Variants in UBTD1 observed in about 807,000 individuals in gnomAD.
UBTD1 encodes the protein ubiquitin domain containing 1.
Under a neutral mutation model 21.7 loss-of-function variants are expected in UBTD1, and 19 were observed. The ratio of observed to expected loss-of-function variants is 0.87; its 90% CI spans 0.61 to 1.28. UBTD1 has a LOEUF of 1.28. UBTD1 is among the 50% of genes most tolerant of loss of function. The pLI is 0.00. For missense variants in UBTD1, 282 were observed against 315.1 expected (o/e 0.89, Z 0.80); for synonymous variants, 116 against 135.1 (o/e 0.86, Z 0.98).
chr10:97,563,234 C>T (rs566844679), intron 1 of UBTD1, among the ~76,000 whole-genome samples: 2 of 152,160 alleles, frequency 1.3e-5, no homozygotes, highest in Non-Finnish European at 2.9e-5. Flanking sequence ...CAAGGGGGTT[C>T]AGCGTAATTA....
intron 1 of UBTD1, among the ~76,000 whole-genome samples, chr10:97,526,054 GC>G (rs1052083822): frequency 2.0e-5 from 3 of 152,102 alleles, no homozygotes; most frequent in African/African-American, 7.2e-5. Context: ...CACTTCCCTG[GC>G]CCTAGGTCAG....
Position 97,561,090 on chromosome 10 carries a change from C to T in UBTD1, c.71-6824C>T, listed in dbSNP as rs192978144. Among the ~76,000 whole-genome samples the T allele has an allele frequency of 5.3e-4, 81 of 152,252 alleles. 1 individual carries two copies. In the East Asian group the frequency reaches 7.9e-3, roughly 15 times the overall value. On this transcript the variant is annotated intron_variant, in intron 1 of 2. Coordinates refer to ENST00000370664, the MANE Select transcript of UBTD1 (RefSeq NM_024954.5). ...TTTCAGATGTCCGGACTCCAAGTAC[C>T]GGTTCCTTCCTGGTGTTCAGCCACT...
intron 1 of UBTD1, among the ~76,000 whole-genome samples, chr10:97,547,581 T>C (rs920414639): frequency 3.3e-5 from 5 of 152,180 alleles, no homozygotes; most frequent in Admixed American, 2.6e-4. Flanking sequence ...TTCTTTTTTT[T>C]TGAAACAGAG....
At chr10:97,547,665 A>G (rs542037676) in intron 1 of UBTD1, among the ~76,000 whole-genome samples, 37 of 152,266 alleles carry the variant, frequency 2.4e-4, no homozygotes, top group Admixed American at 2.4e-3. Flanking sequence ...CCTGGGTTCA[A>G]GCGATTCTCT....
chr10:97,513,081 G>C (rs1181439581), intron 1 of UBTD1, among the ~76,000 whole-genome samples: 1 of 152,236 alleles, frequency 6.6e-6, no homozygotes, highest in Non-Finnish European at 1.5e-5. Context: ...TCAGCTGGAA[G>C]AACTTGGGAC....
intron 1 of UBTD1, among the ~76,000 whole-genome samples, chr10:97,540,426 A>G (rs2040582376): frequency 6.6e-6 from 1 of 152,228 alleles, no homozygotes; most frequent in Non-Finnish European, 1.5e-5. Context: ...TGGGAGTTCC[A>G]GAGCCAGCCC....
At chr10:97,525,966 A>G (rs2040486482) in intron 1 of UBTD1, among the ~76,000 whole-genome samples, 1 of 152,152 alleles carries the variant, frequency 6.6e-6, no homozygotes, top group Admixed American at 6.5e-5. Context: ...AAAGTTTTTG[A>G]GCAGGGGAGT....
At chr10:97,536,295 A>G (rs1338702478) in intron 1 of UBTD1, among the ~76,000 whole-genome samples, 3 of 152,098 alleles carry the variant, frequency 2.0e-5, no homozygotes, top group Non-Finnish European at 4.4e-5. Context: ...CCCGGCCAGG[A>G]GAGAAATTCT....
At chr10:97,535,930 T>TA (rs1204170024) in intron 1 of UBTD1, among the ~76,000 whole-genome samples, 2 of 148,968 alleles carry the variant, frequency 1.3e-5, no homozygotes. Context: ...AAAAATAAAA[T>TA]AAAAAATTAA....
At position 97,499,099 on chromosome 10, in the gene UBTD1, G is replaced by A; in HGVS notation, c.-105G>A. The A allele has an allele frequency of 7.7e-7, 1 of 1,302,322 alleles. No homozygotes were observed. Among genetic ancestry groups the A allele is most frequent in the Non-Finnish European group, 1.0e-6 (1 of 971,496 alleles). 80.7% of individuals were successfully genotyped at this position (1,302,322 alleles called of 1,614,324 possible). A position where few individuals can be genotyped will look rare whatever the true frequency, so the allele number is the denominator to read the frequency against. On this transcript the variant is annotated 5_prime_UTR_variant, in exon 1 of 3. Coordinates refer to ENST00000370664, the MANE Select transcript of UBTD1 (RefSeq NM_024954.5). ...CGCCCCCGGGGGGAGATCGGGGAGC[G>A]CCCGATGCCGGGCGGCCGGAGCCAT...
intron 1 of UBTD1, among the ~76,000 whole-genome samples, chr10:97,550,558 C>T (rs999727558): frequency 2.6e-5 from 4 of 152,290 alleles, no homozygotes; most frequent in Admixed American, 2.6e-4. Context: ...CACGGCGCCT[C>T]GGTCAGTTCC....
At chr10:97,552,838 G>A (rs1002216200) in intron 1 of UBTD1, among the ~76,000 whole-genome samples, 1 of 152,152 alleles carries the variant, frequency 6.6e-6, no homozygotes, top group African/African-American at 2.4e-5. Flanking sequence ...CTGATGCCTC[G>A]AGTGGATGCC....
In UBTD1 at chr10:97,561,546, C is replaced by T. The variant is rs145602599; in HGVS notation, c.71-6368C>T. Among the ~76,000 whole-genome samples, 268 of 152,142 alleles carry T rather than the reference C, an allele frequency of 1.8e-3. 1 individual carries two copies. The highest frequency in any genetic ancestry group is 6.3e-3 in the African/African-American group (261 of 41,490). ...GGTATGTGACAGGGGATGCATGCAC[C>T]GGTGGTCAGAGAGAAAGAGAACAGG... On this transcript the variant is annotated intron_variant, in intron 1 of 2. Coordinates refer to ENST00000370664, the MANE Select transcript of UBTD1 (RefSeq NM_024954.5).
intron 1 of UBTD1, among the ~76,000 whole-genome samples, chr10:97,528,723 GA>G (rs1211927152): frequency 3.3e-5 from 1 of 29,984 alleles, no homozygotes; most frequent in Non-Finnish European, 6.6e-5. Flanking sequence ...GCGGGGGGCT[GA>G]CCCCCCCCAC....
intron 1 of UBTD1, among the ~76,000 whole-genome samples, chr10:97,551,697 G>A (rs561286304): frequency 6.6e-6 from 1 of 152,246 alleles, no homozygotes. Context: ...CAGCACCACC[G>A]TCGGCTCCCC....
In UBTD1 at chr10:97,570,516, A is replaced by C. The variant is rs749557250; in HGVS notation, c.677A>C (p.Gln226Pro). The C allele has an allele frequency of 2.5e-6, 4 of 1,596,542 alleles. No individual in the cohort carries two copies. Among genetic ancestry groups the C allele is most frequent in the Non-Finnish European group, 3.4e-6 (4 of 1,167,326 alleles). ...ATCATCAACCAGCCCCCACCACCCC[A>C]GGACTGATGGGCCCACGGACCCCTG... ...QVIINQPPPP[Q>P]D The change falls in exon 3 of 3, where the codon CAG becomes CCG. Residue 226 changes from glutamine to proline, a missense_variant. Transcript: ENST00000370664. This position sits in a 1 kb window ranked among gnomAD's most constrained non-coding sequence, Gnocchi z 6.6.
At chr10:97,505,659 T>C (rs1249074155) in intron 1 of UBTD1, among the ~76,000 whole-genome samples, 1 of 152,238 alleles carries the variant, frequency 6.6e-6, no homozygotes, top group Non-Finnish European at 1.5e-5. Context: ...TCCTTCCTAG[T>C]TGTTTGTGTG....
intron 1 of UBTD1, among the ~76,000 whole-genome samples, chr10:97,560,991 G>T (rs908998816): frequency 4.6e-5 from 7 of 152,046 alleles, no homozygotes; most frequent in African/African-American, 1.7e-4. Flanking sequence ...ACCAATGCAG[G>T]CACGTCGTGG....
intron 1 of UBTD1, among the ~76,000 whole-genome samples, chr10:97,548,759 A>G (rs2040622968): frequency 6.6e-6 from 1 of 152,274 alleles, no homozygotes; most frequent in African/African-American, 2.4e-5. Context: ...TCTGGGCAAC[A>G]GAGCAAGACT....
Sources: allele counts gnomAD v4.1 joint callset (sites outside exome capture counted in the v4.1 genomes callset), GRCh38; gene constraint gnomAD v4.1.1; non-coding constraint Gnocchi (gnomAD v3.1); transcripts MANE v1.5; gene names NCBI Gene and HGNC (gene_info 2026-07-23, HGNC 2026-07-21).